EML2: variants seen among roughly 807,000 people sequenced by gnomAD.
EML2 encodes the protein EMAP like 2.
Under a neutral mutation model 84.7 loss-of-function variants are expected in EML2, and 59 were observed. The ratio of observed to expected loss-of-function variants is 0.70; its 90% confidence interval spans 0.56 to 0.86. The LOEUF (loss-of-function observed/expected upper bound fraction) is 0.86. EML2 is among the 40% of genes least tolerant of loss of function. The pLI, the probability that EML2 is intolerant of heterozygous loss-of-function variation, is 0.00. For synonymous variants in EML2, 352 were observed against 348.9 expected (o/e 1.01, Z -0.10); for missense variants, 818 against 855.6 (o/e 0.96, Z 0.55).
At position 45,614,874 on chromosome 19, in the gene EML2, C is replaced by T. The variant is rs1015718584; in HGVS notation, c.1598-174G>A. 3.2e-5 allele frequency: 18 copies of T among 567,546 alleles called. No homozygotes were observed. In the East Asian group the frequency reaches 5.2e-4, roughly 16 times the overall value. The allele number at this position is 567,546 out of a possible 1,614,324, so 35.2% of individuals were successfully genotyped here. A position where few individuals can be genotyped will look rare whatever the true frequency, so the allele number is the denominator to read the frequency against. On this transcript the variant is annotated intron_variant, in intron 16 of 18. Transcript: ENST00000245925. ...ATCACATGCTGGGGTCTTCACAGCC[C>T]GCAGCGTAAGCAGGAGCATCTACTT...
Position 45,614,604 on chromosome 19 carries a change from C to T in EML2, c.1693+1G>A. On this transcript the variant is annotated splice_donor_variant, in intron 17 of 18. Transcript: ENST00000245925. LOFTEE classifies it high-confidence loss of function. ...GAGACCTCTCTCATTCCAGAACTCA[C>T]CAAACACCCCAAACCCTAGGACACA... 1 of 1,613,714 alleles carries T rather than the reference C, an allele frequency of 6.2e-7. No individual in the cohort carries two copies. The highest frequency in any genetic ancestry group is 8.5e-7 in the Non-Finnish European group (1 of 1,179,682).
intron 15 of EML2, 139 bp from the exon 16 acceptor site, chr19:45,616,028 G>C: frequency 1.5e-6 from 1 of 682,212 alleles, no homozygotes. Context: ...GGATACACAG[G>C]CCTTTGGAGT....
At chr19:45,641,740 C>T, upstream of EML2, 1 of 1,536,148 alleles carries the variant, frequency 6.5e-7, no homozygotes, top group South Asian at 1.2e-5. Context: ...CAAGTAGCGG[C>T]GGACACTGCT....
At chr19:45,645,459 G>C, upstream of EML2, 3 of 1,409,356 alleles carry the variant, frequency 2.1e-6, no homozygotes, top group Non-Finnish European at 2.7e-6. Context: ...AGCTCAGCTC[G>C]CCTGGCATCA....
intron 13 of EML2, among the ~76,000 whole-genome samples, chr19:45,617,246 C>A (rs116490500): frequency 0.059 from 8,840 of 150,654 alleles, 548 homozygotes; most frequent in African/African-American, 0.15. Flanking sequence ...ACTCTGTCCC[C>A]CCAAAAAACA....
At chr19:45,619,000 G>A in intron 12 of EML2, 60 bp downstream of exon 12, 5 of 1,499,528 alleles carry the variant, frequency 3.3e-6, no homozygotes, top group Non-Finnish European at 4.5e-6. Flanking sequence ...GCTGAGCCCT[G>A]ACACAGGGGG....
At chr19:45,615,973 A>T (rs947818757) in intron 15 of EML2, 84 bp from the exon 16 acceptor site, 3 of 997,380 alleles carry the variant, frequency 3.0e-6, no homozygotes, top group Non-Finnish European at 4.7e-6. Flanking sequence ...GGAAAGTGGA[A>T]GTCAAATACA....
chr19:45,616,549 T>G lies in EML2; in HGVS notation c.1421A>C (p.Tyr474Ser). 6.2e-7 allele frequency: 1 copy of G among 1,610,068 alleles called. No homozygotes were observed. The highest frequency in any genetic ancestry group is 8.5e-7 in the Non-Finnish European group (1 of 1,177,518). ...SVVSFSPDGA[Y>S]LAVGSHDNLV... Reference sequence around the variant, plus strand: ...GTTGTCGTGGGAGCCCACGGCCAGGTACGCCCCGTCTGGGGGAGGGGGAGG... The same window carrying G: ...GTTGTCGTGGGAGCCCACGGCCAGGGACGCCCCGTCTGGGGGAGGGGGAGG... The change falls in exon 15 of 19, where the codon TAC becomes TCC. Residue 474 changes from tyrosine (Y) to serine (S), a missense_variant. Transcript: ENST00000245925.
rs1044171363 is a variant in EML2 at position 45,633,288 on chromosome 19, G to A, written c.330-149C>T. ...TAATAGCAGTGAGCGGATGCCCTCC[G>A]GGTGCGCTGGCGCTGGATCAGAAGC... On this transcript the variant is annotated intron_variant, in intron 4 of 18. Coordinates refer to ENST00000245925, the MANE Select transcript of EML2 (RefSeq NM_012155.4). 1.8e-5 allele frequency: 14 copies of A among 774,590 alleles called. No individual in the cohort carries two copies. In the African/African-American group the frequency reaches 1.9e-4, roughly 10 times the overall value. The allele number at this position is 774,590 out of a possible 1,614,324, so 48.0% of individuals were successfully genotyped here. A position where few individuals can be genotyped will look rare whatever the true frequency, so the allele number is the denominator to read the frequency against.
Position 45,616,783 on chromosome 19 carries a change from C to T in EML2, c.1393G>A (p.Val465Met). 6.2e-7 allele frequency: 1 copy of T among 1,613,332 alleles called. No individual in the cohort carries two copies. The highest frequency in any genetic ancestry group is 8.5e-7 in the Non-Finnish European group (1 of 1,179,918). The stretch of plus-strand genomic sequence containing the variant: ...CGCTTACCTGGGGAGAAGCTGACCA[C>T]TGAGATCTGTTCATTGCCGTCTGTG... Reference protein sequence around the residue: ...IHTDGNEQISVVSFSPDGAYL... With the variant: ...IHTDGNEQISMVSFSPDGAYL... The change falls in exon 14 of 19, where the codon GTG becomes ATG. Residue 465 changes from valine to methionine, a missense_variant. Coordinates refer to ENST00000245925, the MANE Select transcript of EML2 (RefSeq NM_012155.4).
At chr19:45,642,578 G>T, upstream of EML2, 2 of 1,322,878 alleles carry the variant, frequency 1.5e-6, no homozygotes, top group South Asian at 2.0e-5. Context: ...GCCACAGCGC[G>T]CTGGCCGTGT....
chr19:45,619,669 A>G (rs1210592229), intron 11 of EML2, among the ~76,000 whole-genome samples: 1 of 152,200 alleles, frequency 6.6e-6, no homozygotes, highest in South Asian at 2.1e-4. Flanking sequence ...TAGGCAGGTG[A>G]CATCTCCTTG....
intron 18 of EML2, among the ~76,000 whole-genome samples, chr19:45,610,712 C>G (rs763058835): frequency 6.6e-6 from 1 of 151,886 alleles, no homozygotes; most frequent in Admixed American, 6.6e-5. Context: ...TGGTGGCACA[C>G]GCCTGTAGTC....
At chr19:45,619,324 C>G in intron 11 of EML2, 133 bp from the exon 12 acceptor site, 1 of 1,224,568 alleles carries the variant, frequency 8.2e-7, no homozygotes, top group Non-Finnish European at 1.1e-6. Flanking sequence ...AAGACCTTTC[C>G]CAGTATGTCT....
intron 18 of EML2, among the ~76,000 whole-genome samples, chr19:45,612,893 T>TG (rs561271051): frequency 3.6e-4 from 54 of 151,920 alleles, no homozygotes; most frequent in African/African-American, 1.3e-3. Context: ...TCCAGCTTTT[T>TG]TTTTTGTTTT....
chr19:45,616,319 TG>T, intron 15 of EML2, 141 bp downstream of exon 15: 1 of 628,408 alleles, frequency 1.6e-6, no homozygotes, highest in Non-Finnish European at 2.8e-6. Flanking sequence ...GGTGAATGTG[TG>T]GACGTGGCCA....
chr19:45,619,707 G>C (rs991396082), intron 11 of EML2, among the ~76,000 whole-genome samples: 1 of 152,220 alleles, frequency 6.6e-6, no homozygotes, highest in African/African-American at 2.4e-5. Flanking sequence ...CCTGTAAAAT[G>C]GGGCCAATTG....
At chr19:45,611,139 G>A (rs1482609142) in intron 18 of EML2, among the ~76,000 whole-genome samples, 1 of 152,162 alleles carries the variant, frequency 6.6e-6, no homozygotes, top group Admixed American at 6.5e-5. Flanking sequence ...GCTGGGCGTG[G>A]TGGCTCACGC....
In EML2 at chr19:45,624,764, C is replaced by G; in HGVS notation, c.796G>C (p.Val266Leu). ...TTCCCCCCAGAGTCCCCCGTGACCA[C>G]GTCGCCACCTTCCAAAAAGGTCACA... ...LCVTFLEGGD[V>L]VTGDSGGNLY... is the part of the protein sequence containing the mutation. Residue 266 changes from valine to leucine, a missense_variant, in exon 9 of 19, where the codon GTG becomes CTG. Physicochemically the swap from Val to Leu is conservative, Grantham distance 32 (BLOSUM62 1). Transcript: ENST00000245925. The G allele has an allele frequency of 6.2e-7, 1 of 1,613,946 alleles. No homozygotes were observed. Among genetic ancestry groups the G allele is most frequent in the East Asian group, 2.2e-5 (1 of 44,864 alleles).
Sources: gnomAD v4.1 joint callset for allele counts (sites outside exome capture counted in the v4.1 genomes callset) on GRCh38, gnomAD v4.1.1 for gene constraint, MANE v1.5 for transcripts, NCBI Gene and HGNC (gene_info 2026-07-23, HGNC 2026-07-21) for gene names.